Variants in KCNIP4 observed in about 807,000 individuals in gnomAD.
KCNIP4 encodes Kv channel-interacting protein 4.
KCNIP4 carries 12 observed loss-of-function variants against 34.0 expected under a neutral mutation model. That is an observed-to-expected ratio of 0.35 (90% CI 0.23 to 0.57). KCNIP4 has a LOEUF of 0.57. KCNIP4 is among the 20% of genes least tolerant of loss of function. KCNIP4 has a pLI of 0.83. For synonymous variants in KCNIP4, 124 were observed against 102.2 expected, an observed-to-expected ratio of 1.21 and a Z score of -1.29; for missense variants, 238 against 311.7, an observed-to-expected ratio of 0.76 and a Z score of 1.78.
At chr4:20,802,134 C>CTATATATATGT (rs755112824) in intron 3 of KCNIP4, among the ~76,000 whole-genome samples, 1 of 137,488 alleles carries the variant, frequency 7.3e-6, no homozygotes, top group African/African-American at 2.7e-5. Flanking sequence ...TATATATATG[C>CTATATATATGT]TATATATGCT....
At chr4:21,236,771 A>G (rs1759387522) in intron 1 of KCNIP4, among the ~76,000 whole-genome samples, 1 of 151,806 alleles carries the variant, frequency 6.6e-6, no homozygotes, top group African/African-American at 2.4e-5. Flanking sequence ...GCACTTTGGG[A>G]GGCTGAGGTG....
At chr4:21,207,282 A>C (rs1756917717) in intron 1 of KCNIP4, among the ~76,000 whole-genome samples, 1 of 152,214 alleles carries the variant, frequency 6.6e-6, no homozygotes, top group Non-Finnish European at 1.5e-5. Flanking sequence ...GAGAAATGGC[A>C]GAAGAGATTC....
chr4:21,045,234 G>A (rs1483373290), intron 1 of KCNIP4, among the ~76,000 whole-genome samples: 2 of 152,286 alleles, frequency 1.3e-5, no homozygotes, highest in East Asian at 3.9e-4. Context: ...AAGCAAGCAG[G>A]CATCTCTGTT....
At chr4:21,682,487 A>G (rs527915234) in intron 1 of KCNIP4, among the ~76,000 whole-genome samples, 1 of 152,296 alleles carries the variant, frequency 6.6e-6, no homozygotes, top group African/African-American at 2.4e-5. Flanking sequence ...AAGCTGTTTC[A>G]CTTTCTTACT....
intron 1 of KCNIP4, among the ~76,000 whole-genome samples, chr4:21,301,185 T>C (rs1198733533): frequency 6.6e-6 from 1 of 152,106 alleles, no homozygotes; most frequent in African/African-American, 2.4e-5. Flanking sequence ...TCAAATCACT[T>C]AAAGATAAGC....
At chr4:21,177,858 TTATATA>T (rs3080785) in intron 1 of KCNIP4, among the ~76,000 whole-genome samples, 33 of 139,320 alleles carry the variant, frequency 2.4e-4, no homozygotes, top group Admixed American at 1.1e-3. Flanking sequence ...AAAAAAAAAA[TTATATA>T]TATATATATA....
At chr4:21,048,449 G>A (rs1255183398) in intron 1 of KCNIP4, among the ~76,000 whole-genome samples, 1 of 152,192 alleles carries the variant, frequency 6.6e-6, no homozygotes, top group Non-Finnish European at 1.5e-5. Flanking sequence ...GAATGCAGAT[G>A]AGCATATGTA....
intron 1 of KCNIP4, among the ~76,000 whole-genome samples, chr4:21,055,959 G>A (rs926462695): frequency 5.9e-5 from 9 of 152,248 alleles, no homozygotes; most frequent in Non-Finnish European, 1.0e-4. Context: ...ATTATGATGT[G>A]TCAGTGTAGG....
intron 1 of KCNIP4, among the ~76,000 whole-genome samples, chr4:21,587,365 C>T (rs972410826): frequency 7.2e-5 from 11 of 151,976 alleles, no homozygotes; most frequent in African/African-American, 2.4e-4. Flanking sequence ...ACCACATAAA[C>T]CATAAAGTGC....
chr4:20,764,347 T>C (rs1407909662), intron 3 of KCNIP4, among the ~76,000 whole-genome samples: 1 of 152,140 alleles, frequency 6.6e-6, no homozygotes, highest in Non-Finnish European at 1.5e-5. Flanking sequence ...TGAACATTTT[T>C]TACATCATGA....
chr4:20,774,399 ACT>A (rs1435161986), intron 3 of KCNIP4, among the ~76,000 whole-genome samples: 1 of 152,168 alleles, frequency 6.6e-6, no homozygotes, highest in Non-Finnish European at 1.5e-5. Flanking sequence ...CATATCACTT[ACT>A]AGCCTGGAAC....
At chr4:21,378,432 C>G (rs1381149681) in intron 1 of KCNIP4, among the ~76,000 whole-genome samples, 1 of 152,150 alleles carries the variant, frequency 6.6e-6, no homozygotes, top group Non-Finnish European at 1.5e-5. Context: ...GAAATCTGCT[C>G]TCTATTTTTA....
At chr4:21,646,360 T>C (rs1328759923) in intron 1 of KCNIP4, among the ~76,000 whole-genome samples, 1 of 152,194 alleles carries the variant, frequency 6.6e-6, no homozygotes, top group Non-Finnish European at 1.5e-5. Flanking sequence ...AGAAGTTAAG[T>C]CTACCTCCTC....
chr4:21,014,064 C>T (rs574223937), intron 1 of KCNIP4, among the ~76,000 whole-genome samples: 1 of 152,314 alleles, frequency 6.6e-6, no homozygotes, highest in East Asian at 1.9e-4. Context: ...CATGCTGCTT[C>T]CTCCAATCAT....
chr4:21,648,188 A>G (rs115602925), intron 1 of KCNIP4, among the ~76,000 whole-genome samples: 4,110 of 152,048 alleles, frequency 0.027, 198 homozygotes, highest in African/African-American at 0.093. Flanking sequence ...TGATACTTTT[A>G]AAAAACAGAT....
chr4:20,897,511 C>G (rs1407956454), intron 1 of KCNIP4, among the ~76,000 whole-genome samples: 1 of 152,048 alleles, frequency 6.6e-6, no homozygotes, highest in Middle Eastern at 3.2e-3. Context: ...CTGCCCCTCC[C>G]TCCCCCCGCC....
chr4:21,493,908 G>A (rs771294312), intron 1 of KCNIP4, among the ~76,000 whole-genome samples: 3 of 152,246 alleles, frequency 2.0e-5, no homozygotes, highest in Non-Finnish European at 2.9e-5. Flanking sequence ...TATTATCTGG[G>A]GCTAGAGCCC....
intron 1 of KCNIP4, among the ~76,000 whole-genome samples, chr4:20,936,344 G>C (rs1265527321): frequency 6.6e-6 from 1 of 151,646 alleles, no homozygotes; most frequent in Non-Finnish European, 1.5e-5. Flanking sequence ...TAGAAAACGG[G>C]TTCATTTATT....
At chr4:21,300,319 CAGG>C (rs1381108982) in intron 1 of KCNIP4, among the ~76,000 whole-genome samples, 2 of 152,052 alleles carry the variant, frequency 1.3e-5, no homozygotes, top group Admixed American at 6.5e-5. Context: ...TGTGAAGTTT[CAGG>C]AGTATTCCAA....
Sources: allele counts gnomAD v4.1 joint callset (sites outside exome capture counted in the v4.1 genomes callset), GRCh38; gene constraint gnomAD v4.1.1; transcripts MANE v1.5; gene names NCBI Gene and HGNC (gene_info 2026-07-23, HGNC 2026-07-21).